KIRREL1: variants seen among roughly 807,000 people sequenced by gnomAD.
KIRREL1 encodes kin of IRRE-like protein 1.
In KIRREL1, 25 loss-of-function variants were observed where a neutral mutation model predicts 83.3. That is an observed-to-expected ratio of 0.30 (90% CI 0.22 to 0.42). The LOEUF (loss-of-function observed/expected upper bound fraction) is 0.42. Ranked by LOEUF, KIRREL1 falls within the 10% of genes least tolerant of loss-of-function variation. The pLI, the probability that KIRREL1 is intolerant of heterozygous loss-of-function variation, is 1.00. For missense variants in KIRREL1, 812 were observed against 1,032.3 expected (o/e 0.79, Z 2.92); for synonymous variants, 388 against 410.4 (o/e 0.95, Z 0.66).
At chr1:158,031,443 T>C (rs1571551652) in intron 1 of KIRREL1, among the ~76,000 whole-genome samples, 1 of 152,208 alleles carries the variant, frequency 6.6e-6, no homozygotes, top group South Asian at 2.1e-4. Context: ...TGCCCAGTGG[T>C]ACTTCTCAGG....
rs370717611 is a variant in KIRREL1, at chr1:158,060,592, G to A, written c.53-15521G>A. Among the ~76,000 whole-genome samples, 26 of 151,984 alleles carry A rather than the reference G, an allele frequency of 1.7e-4. No individual in the cohort carries two copies. The South Asian group carries it at 4.2e-3, about 24-fold the overall frequency. On this transcript the variant is annotated intron_variant, in intron 1 of 14. Coordinates refer to ENST00000359209, the MANE Select transcript of KIRREL1 (RefSeq NM_018240.7). ...TTAACTCCCTTATGAGAGGACTCTCGACCCATTCCTCCAACAGCCTCTGCT... is the reference window on the plus strand; with the variant it reads ...TTAACTCCCTTATGAGAGGACTCTCAACCCATTCCTCCAACAGCCTCTGCT...
At chr1:158,040,286 T>C (rs10796991) in intron 1 of KIRREL1, among the ~76,000 whole-genome samples, 123,198 of 152,162 alleles carry the variant, frequency 0.81, 50,427 homozygotes, top group East Asian at 0.99. Context: ...TACATCTAAC[T>C]GGGGAAAGAG....
intron 10 of KIRREL1, 149 bp from the exon 11 acceptor site, chr1:158,091,209 G>A (rs1662185267): frequency 1.5e-6 from 1 of 652,490 alleles, no homozygotes; most frequent in African/African-American, 1.8e-5. Flanking sequence ...TGTGACTTAG[G>A]TTTGTTACAG....
At chr1:158,061,198 C>T (rs1661207657) in intron 1 of KIRREL1, among the ~76,000 whole-genome samples, 1 of 152,120 alleles carries the variant, frequency 6.6e-6, no homozygotes, top group African/African-American at 2.4e-5. Context: ...GGCACCCTGT[C>T]CCTCTTGCTG....
chr1:158,064,601 G>A (rs1048771280), intron 1 of KIRREL1, among the ~76,000 whole-genome samples: 2 of 152,224 alleles, frequency 1.3e-5, no homozygotes, highest in African/African-American at 4.8e-5. Flanking sequence ...GTGATGGGAA[G>A]CCTCTGCTAT....
Position 158,078,037 on chromosome 1 carries a change from C to T in KIRREL1, c.249C>T (p.Tyr83=), listed in dbSNP as rs754220236. The T allele has an allele frequency of 1.2e-6, 2 of 1,614,184 alleles. No individual in the cohort carries two copies. The highest frequency in any genetic ancestry group is 2.2e-5 in the East Asian group (1 of 44,886). The change falls in exon 3 of 15, where the codon TAC becomes TAT. Residue 83 remains tyrosine (Y), a synonymous_variant. Transcript: ENST00000359209. ...RVVGSADAGQ[Y]NLEITDAELS... is the part of the protein sequence containing the mutation. ...TGGGCTCCGCAGACGCTGGGCAGTA[C>T]AACCTGGAGATCACAGATGCTGAGC...
chr1:158,013,925 C>T (rs1659755081), intron 1 of KIRREL1, among the ~76,000 whole-genome samples: 1 of 152,138 alleles, frequency 6.6e-6, no homozygotes, highest in African/African-American at 2.4e-5. Context: ...TGACACTGCT[C>T]CTGGGACTGT....
At chr1:158,080,534 C>G (rs1205320638) in intron 3 of KIRREL1, among the ~76,000 whole-genome samples, 1 of 152,146 alleles carries the variant, frequency 6.6e-6, no homozygotes, top group Non-Finnish European at 1.5e-5. Flanking sequence ...CCTTGCTGGC[C>G]TGCCTGGGTG....
chr1:157,993,729 G>T lies in KIRREL1; in HGVS notation c.52+1G>T. ...ACTCTCTCCGATACTTTCTCCCAAGGTAAGGGCCCCCAGCCCACCCCCGGA... is the reference window on the plus strand; with the variant it reads ...ACTCTCTCCGATACTTTCTCCCAAGTTAAGGGCCCCCAGCCCACCCCCGGA... On this transcript the variant is annotated splice_donor_variant, in intron 1 of 14. Transcript: ENST00000359209. LOFTEE classifies it high-confidence loss of function. 6.7e-7 allele frequency: 1 copy of T among 1,492,022 alleles called. No individual in the cohort carries two copies. The allele number at this position is 1,492,022 out of a possible 1,614,324, so 92.4% of individuals were successfully genotyped here.
intron 1 of KIRREL1, among the ~76,000 whole-genome samples, chr1:158,005,702 A>G (rs1659497754): frequency 6.6e-6 from 1 of 152,178 alleles, no homozygotes; most frequent in South Asian, 2.1e-4. Context: ...GAAGGAAGGT[A>G]GGTCATAGAC....
rs1282172089 is a variant in KIRREL1, at chr1:158,078,153, A to G, written c.352+13A>G. On this transcript the variant is annotated intron_variant, in intron 3 of 14. Transcript: ENST00000359209. ...CTCACCGTGCTCAGTAAGGACCCCA[A>G]TACCCTTCAGTACTTCGAGGCCCTG... 5 of 1,612,448 alleles carry G rather than the reference A, an allele frequency of 3.1e-6. No homozygotes were observed. Among genetic ancestry groups the G allele is most frequent in the East Asian group, 2.2e-5 (1 of 44,822 alleles).
intron 1 of KIRREL1, among the ~76,000 whole-genome samples, chr1:158,049,744 G>A (rs1660864419): frequency 6.6e-6 from 1 of 152,086 alleles, no homozygotes; most frequent in Non-Finnish European, 1.5e-5. Context: ...GGAGAGGAAG[G>A]GATAGAATCC....
chr1:158,002,308 C>T (rs80334485), intron 1 of KIRREL1, among the ~76,000 whole-genome samples: 3,628 of 152,296 alleles, frequency 0.024, 167 homozygotes, highest in African/African-American at 0.083. Flanking sequence ...TCTACACTGC[C>T]CAGAGTCAAG....
rs146657979 is a variant in KIRREL1, at chr1:158,054,365, A to G, written c.53-21748A>G. On this transcript the variant is annotated intron_variant, in intron 1 of 14. Transcript: ENST00000359209. ...GTTATATAAACAAAATTTCTTGCCA[A>G]CAAGTTGCCTGTGGATATTTATGGA... 4.4e-3 allele frequency among the ~76,000 whole-genome samples: 672 copies of G among 152,106 alleles called. 8 individuals carry two copies. The highest frequency in any genetic ancestry group is 0.016 in the African/African-American group (647 of 41,500).
At chr1:158,083,432 T>C (rs557076507) in intron 3 of KIRREL1, among the ~76,000 whole-genome samples, 7 of 152,310 alleles carry the variant, frequency 4.6e-5, no homozygotes, top group African/African-American at 1.7e-4. Flanking sequence ...AGGAAGCACT[T>C]CAATAGAAGC....
At chr1:158,039,088 A>G (rs1660555385) in intron 1 of KIRREL1, among the ~76,000 whole-genome samples, 1 of 152,130 alleles carries the variant, frequency 6.6e-6, no homozygotes, top group Non-Finnish European at 1.5e-5. Context: ...ATTGAGAGGA[A>G]GGTTGGACAA....
chr1:158,052,340 T>C (rs1660929117), intron 1 of KIRREL1, among the ~76,000 whole-genome samples: 1 of 152,160 alleles, frequency 6.6e-6, no homozygotes, highest in African/African-American at 2.4e-5. Context: ...GGTGAACACC[T>C]ATTATATTTC....
intron 1 of KIRREL1, among the ~76,000 whole-genome samples, chr1:158,068,623 C>T (rs193151286): frequency 5.3e-5 from 8 of 152,332 alleles, no homozygotes; most frequent in Non-Finnish European, 2.9e-5. Flanking sequence ...CTCCCTTCCT[C>T]CCTCCTTCTT....
intron 1 of KIRREL1, among the ~76,000 whole-genome samples, chr1:158,059,696 G>A (rs1037485916): frequency 1.3e-5 from 2 of 152,162 alleles, no homozygotes; most frequent in African/African-American, 4.8e-5. Flanking sequence ...GGGTAGGCAG[G>A]GGTGGGGGCT....
Sources: allele counts gnomAD v4.1 joint callset (sites outside exome capture counted in the v4.1 genomes callset), GRCh38; gene constraint gnomAD v4.1.1; transcripts MANE v1.5; gene names NCBI Gene and HGNC (gene_info 2026-07-23, HGNC 2026-07-21).